NKAIN2: variants seen among roughly 807,000 people sequenced by gnomAD.
The protein encoded by NKAIN2 is sodium/potassium transporting ATPase interacting 2.
In NKAIN2, 14 loss-of-function variants were observed where a neutral mutation model predicts 32.6. The observed-to-expected ratio is 0.43, with a 90% CI of 0.28 to 0.67. The LOEUF (loss-of-function observed/expected upper bound fraction) is 0.67. Ranked by LOEUF, NKAIN2 falls within the 30% of genes least tolerant of loss-of-function variation. The probability of loss-of-function intolerance (pLI) is 0.17; values close to 1 mark genes in which losing one functional copy is unlikely to be tolerated. For synonymous variants in NKAIN2, 80 were observed against 87.2 expected, an observed-to-expected ratio of 0.92 and a Z score of 0.46; for missense variants, 198 against 258.3, an observed-to-expected ratio of 0.77 and a Z score of 1.60.
chr6:124,098,928 A>C (rs1784758896), intron 1 of NKAIN2, among the ~76,000 whole-genome samples: 2 of 152,098 alleles, frequency 1.3e-5, no homozygotes, highest in African/African-American at 2.4e-5. Flanking sequence ...CCCCTTGAGC[A>C]TTATATTTAA....
At chr6:124,428,482 G>T (rs1421704622) in intron 3 of NKAIN2, among the ~76,000 whole-genome samples, 2 of 152,118 alleles carry the variant, frequency 1.3e-5, no homozygotes, top group Admixed American at 6.6e-5. Flanking sequence ...TGCTCCCTGA[G>T]CTCTCCTGCA....
chr6:124,644,795 C>G (rs1375613671), intron 3 of NKAIN2, among the ~76,000 whole-genome samples: 1 of 152,208 alleles, frequency 6.6e-6, no homozygotes. Context: ...ACAAAGCATA[C>G]AGGAATTAAA....
intron 1 of NKAIN2, among the ~76,000 whole-genome samples, chr6:124,074,593 G>C (rs1329221785): frequency 6.6e-6 from 1 of 152,144 alleles, no homozygotes; most frequent in Non-Finnish European, 1.5e-5. Context: ...GCCTTTATCA[G>C]CTCCAGGGTA....
At chr6:124,276,232 A>T (rs1203997075) in intron 1 of NKAIN2, among the ~76,000 whole-genome samples, 1 of 151,930 alleles carries the variant, frequency 6.6e-6, no homozygotes, top group Non-Finnish European at 1.5e-5. Flanking sequence ...TAGTTCTACT[A>T]AATTAGGATA....
chr6:124,561,134 G>A (rs1169999910), intron 3 of NKAIN2, among the ~76,000 whole-genome samples: 1 of 152,114 alleles, frequency 6.6e-6, no homozygotes, highest in Non-Finnish European at 1.5e-5. Context: ...AATGATTACT[G>A]AGGGGAAAAG....
At chr6:124,696,478 A>G (rs955174917) in intron 4 of NKAIN2, among the ~76,000 whole-genome samples, 19 of 152,030 alleles carry the variant, frequency 1.2e-4, no homozygotes, top group African/African-American at 4.1e-4. Flanking sequence ...ATGCCCTGAG[A>G]CCTGCGGGAT....
intron 1 of NKAIN2, among the ~76,000 whole-genome samples, chr6:123,923,926 A>C (rs1196740642): frequency 6.6e-6 from 1 of 151,720 alleles, no homozygotes; most frequent in East Asian, 1.9e-4. Flanking sequence ...ATGTACCCTA[A>C]AACTTAAAGT....
At chr6:124,258,410 A>G (rs1342392944) in intron 1 of NKAIN2, among the ~76,000 whole-genome samples, 5 of 152,208 alleles carry the variant, frequency 3.3e-5, no homozygotes, top group Admixed American at 6.5e-5. Flanking sequence ...GAAGTCCTTG[A>G]ACCAAAAAAC....
intron 4 of NKAIN2, among the ~76,000 whole-genome samples, chr6:124,708,322 C>T (rs1020966447): frequency 6.6e-5 from 10 of 151,696 alleles, no homozygotes; most frequent in African/African-American, 7.3e-5. Flanking sequence ...CTTGGTGAAG[C>T]GGGCTCTTTT....
chr6:124,027,206 C>G (rs113364579), intron 1 of NKAIN2, among the ~76,000 whole-genome samples: 1 of 150,232 alleles, frequency 6.7e-6, no homozygotes, highest in African/African-American at 2.5e-5. Context: ...ATAGCACGAT[C>G]TCAGCTCACT....
chr6:124,555,786 T>C (rs1780452757), intron 3 of NKAIN2, among the ~76,000 whole-genome samples: 1 of 152,190 alleles, frequency 6.6e-6, no homozygotes, highest in African/African-American at 2.4e-5. Context: ...TAACCTTATT[T>C]CCAGATTATA....
chr6:124,587,748 T>C (rs1299289422), intron 3 of NKAIN2, among the ~76,000 whole-genome samples: 1 of 152,138 alleles, frequency 6.6e-6, no homozygotes, highest in Non-Finnish European at 1.5e-5. Flanking sequence ...ATTCTGGTCC[T>C]CTCCCAAACC....
intron 1 of NKAIN2, among the ~76,000 whole-genome samples, chr6:124,264,174 T>C (rs73563776): frequency 6.3e-4 from 96 of 152,348 alleles, no homozygotes; most frequent in African/African-American, 2.2e-3. Flanking sequence ...AGAAGCTATT[T>C]AACATTGGAG....
intron 1 of NKAIN2, among the ~76,000 whole-genome samples, chr6:124,015,987 A>G (rs1780554099): frequency 6.6e-6 from 1 of 152,138 alleles, no homozygotes; most frequent in Non-Finnish European, 1.5e-5. Flanking sequence ...TGATCTGTGG[A>G]TTCAGGAATC....
intron 3 of NKAIN2, among the ~76,000 whole-genome samples, chr6:124,388,778 T>G (rs1773021843): frequency 6.6e-6 from 1 of 152,212 alleles, no homozygotes; most frequent in East Asian, 1.9e-4. Flanking sequence ...TGCCTTCTTA[T>G]TTTGGCTCTC....
chr6:124,819,856 AT>A (rs1463759881), intron 6 of NKAIN2, among the ~76,000 whole-genome samples: 1 of 152,174 alleles, frequency 6.6e-6, no homozygotes, highest in Admixed American at 6.5e-5. Flanking sequence ...TTTATAATCT[AT>A]TGAGAGCATA....
At chr6:124,643,229 T>A (rs1440740702) in intron 3 of NKAIN2, among the ~76,000 whole-genome samples, 1 of 152,228 alleles carries the variant, frequency 6.6e-6, no homozygotes, top group Non-Finnish European at 1.5e-5. Flanking sequence ...CTCTTCAATC[T>A]AGCCGCAGTT....
chr6:124,795,952 T>G (rs554588537), intron 5 of NKAIN2, among the ~76,000 whole-genome samples: 48 of 152,198 alleles, frequency 3.2e-4, no homozygotes, highest in African/African-American at 1.1e-3. Context: ...AGGGTTTCTG[T>G]TTTTTTCCAT....
chr6:124,280,739 G>A (rs1296753363), intron 1 of NKAIN2, among the ~76,000 whole-genome samples: 3 of 152,156 alleles, frequency 2.0e-5, no homozygotes, highest in Non-Finnish European at 4.4e-5. Context: ...TCATAGGAAA[G>A]ACTGCAGCTA....
Sources: gnomAD v4.1 joint callset for allele counts (sites outside exome capture counted in the v4.1 genomes callset) on GRCh38, gnomAD v4.1.1 for gene constraint, MANE v1.5 for transcripts, NCBI Gene and HGNC (gene_info 2026-07-23, HGNC 2026-07-21) for gene names.